Variants in CACNA2D2 observed in about 807,000 individuals in gnomAD.
CACNA2D2 encodes the protein voltage-dependent calcium channel subunit alpha-2/delta-2.
CACNA2D2 carries 48 observed loss-of-function variants against 166.4 expected under a neutral mutation model. That is an observed-to-expected ratio of 0.29 (90% CI 0.23 to 0.37). The LOEUF is 0.37. Ranked by LOEUF, CACNA2D2 falls within the 10% of genes least tolerant of loss-of-function variation. CACNA2D2 has a pLI of 1.00. For missense variants in CACNA2D2, 1,122 were observed against 1,433.0 expected, an observed-to-expected ratio of 0.78 and a Z score of 3.50; for synonymous variants, 561 against 573.7, an observed-to-expected ratio of 0.98 and a Z score of 0.32.
intron 1 of CACNA2D2, among the ~76,000 whole-genome samples, chr3:50,499,982 C>T (rs1346510537): frequency 1.3e-5 from 2 of 152,182 alleles, no homozygotes; most frequent in Non-Finnish European, 2.9e-5. Context: ...TCATCCCTCC[C>T]TCCTGCAAAA....
intron 1 of CACNA2D2, among the ~76,000 whole-genome samples, chr3:50,480,428 C>T (rs1276225889): frequency 6.6e-6 from 1 of 151,420 alleles, no homozygotes; most frequent in Non-Finnish European, 1.5e-5. Flanking sequence ...GACCTAAGGA[C>T]TTATTGAGGG....
intron 1 of CACNA2D2, among the ~76,000 whole-genome samples, chr3:50,490,449 C>A (rs546719420): frequency 6.6e-6 from 1 of 152,266 alleles, no homozygotes; most frequent in African/African-American, 2.4e-5. Context: ...TGCCTCCCAC[C>A]CCATTAAATA....
chr3:50,492,282 C>A (rs983905527), intron 1 of CACNA2D2, among the ~76,000 whole-genome samples: 6 of 152,268 alleles, frequency 3.9e-5, no homozygotes, highest in Admixed American at 2.6e-4. Context: ...CCCACTCATG[C>A]CAGCACTATC....
At chr3:50,400,932 C>T (rs1706418043) in intron 3 of CACNA2D2, among the ~76,000 whole-genome samples, 1 of 152,218 alleles carries the variant, frequency 6.6e-6, no homozygotes, top group Non-Finnish European at 1.5e-5. Flanking sequence ...GCCTCGGCCT[C>T]CCAAAGTGCT....
At chr3:50,492,176 T>C (rs916608701) in intron 1 of CACNA2D2, among the ~76,000 whole-genome samples, 4 of 152,250 alleles carry the variant, frequency 2.6e-5, no homozygotes, top group Non-Finnish European at 5.9e-5. Context: ...CCCACGGCCA[T>C]GTCTATGCGT....
chr3:50,367,156 T>G lies in CACNA2D2; in HGVS notation c.2402-47A>C. The G allele has an allele frequency of 1.4e-6, 2 of 1,426,222 alleles. No homozygotes were observed. Among genetic ancestry groups the G allele is most frequent in the Non-Finnish European group, 2.0e-6 (2 of 1,016,946 alleles). The allele number at this position is 1,426,222 out of a possible 1,614,324, so 88.3% of individuals were successfully genotyped here. ...CAGGAGTGGGGTCTGGCGGCCACAC[T>G]GACCACTCTATGCTGGGTCCTACAA... On this transcript the variant is annotated intron_variant, in intron 27 of 37. Transcript: ENST00000424201. This position sits in a 1 kb window ranked among gnomAD's most constrained non-coding sequence, Gnocchi z 6.5.
intron 3 of CACNA2D2, among the ~76,000 whole-genome samples, chr3:50,414,867 T>C (rs1240935857): frequency 6.6e-6 from 1 of 152,350 alleles, no homozygotes; most frequent in Non-Finnish European, 1.5e-5. Context: ...GCCCACAAGC[T>C]GTTCCTGGGC....
At chr3:50,431,809 A>C (rs1708075458) in intron 3 of CACNA2D2, among the ~76,000 whole-genome samples, 1 of 151,996 alleles carries the variant, frequency 6.6e-6, no homozygotes, top group Admixed American at 6.5e-5. Context: ...ACATAGTGAA[A>C]TGCTGTCTCT....
At chr3:50,389,838 C>G (rs1184597058) in intron 4 of CACNA2D2, among the ~76,000 whole-genome samples, 2 of 152,218 alleles carry the variant, frequency 1.3e-5, no homozygotes. Flanking sequence ...TGGGAATGAC[C>G]GCTCCCGGCC....
At chr3:50,443,128 T>C (rs1708679862) in intron 2 of CACNA2D2, among the ~76,000 whole-genome samples, 1 of 152,200 alleles carries the variant, frequency 6.6e-6, no homozygotes, top group Non-Finnish European at 1.5e-5. Context: ...GCATACCAGC[T>C]GGCACGGGGG....
At chr3:50,422,249 A>C (rs952528467) in intron 3 of CACNA2D2, among the ~76,000 whole-genome samples, 5 of 152,062 alleles carry the variant, frequency 3.3e-5, no homozygotes, top group Admixed American at 3.3e-4. Context: ...CTGGAGTCTA[A>C]CTGCCCACCC....
chr3:50,454,273 C>T (rs41304862), intron 2 of CACNA2D2, among the ~76,000 whole-genome samples: 1 of 152,150 alleles, frequency 6.6e-6, no homozygotes. Flanking sequence ...GGGAAGGGAC[C>T]GAGCCGGACT....
chr3:50,468,950 T>C (rs929989984), intron 2 of CACNA2D2, among the ~76,000 whole-genome samples: 1 of 151,378 alleles, frequency 6.6e-6, no homozygotes, highest in Non-Finnish European at 1.5e-5. Flanking sequence ...TGCCTCAGCA[T>C]CCCAAGTAGC....
chr3:50,387,562 G>A lies in CACNA2D2; in HGVS notation c.510+6C>T, dbSNP rs2106702071. 6.2e-7 allele frequency: 1 copy of A among 1,613,018 alleles called. No homozygotes were observed. ...AAGGAGGTGTGGCTCAGGAGGGGGT[G>A]CTCACCAGCTCAGCGTCAGCCTTGG... is the stretch of plus-strand genomic sequence containing the variant. On this transcript the variant is annotated splice_donor_region_variant and intron_variant, in intron 5 of 37. Coordinates refer to ENST00000424201, the MANE Select transcript of CACNA2D2 (RefSeq NM_006030.4).
intron 1 of CACNA2D2, among the ~76,000 whole-genome samples, chr3:50,481,037 T>C (rs1221171587): frequency 7.5e-6 from 1 of 132,702 alleles, no homozygotes; most frequent in Non-Finnish European, 1.6e-5. Context: ...GTGGAGTTGT[T>C]GATCAGAATG....
At chr3:50,389,610 G>A (rs1406577321) in intron 4 of CACNA2D2, among the ~76,000 whole-genome samples, 1 of 152,332 alleles carries the variant, frequency 6.6e-6, no homozygotes, top group East Asian at 1.9e-4. Context: ...GTCAACACTA[G>A]GCACCTCAGC....
In CACNA2D2 at chr3:50,365,325, T is replaced by G; in HGVS notation, c.3098+31A>C. The G allele has an allele frequency of 6.6e-7, 1 of 1,516,530 alleles. No homozygotes were observed. Among genetic ancestry groups the G allele is most frequent in the South Asian group, 1.1e-5 (1 of 89,248 alleles). The allele number at this position is 1,516,530 out of a possible 1,614,324, so 93.9% of individuals were successfully genotyped here. On this transcript the variant is annotated intron_variant, in intron 35 of 37. Coordinates refer to ENST00000424201, the MANE Select transcript of CACNA2D2 (RefSeq NM_006030.4). This position sits in a 1 kb window ranked among gnomAD's most constrained non-coding sequence, Gnocchi z 4.5. ...CTCGCCCCGCTCACAGGTTCCGCCC[T>G]TGGCCTCTGGTCCCGCCCCACTGCC...
rs547367154 is a variant in CACNA2D2, at chr3:50,394,219, T to C, written c.406-51A>G. Reference sequence around the variant, plus strand: ...AGAAGCGGAGGAAGGCAGCCTGCCCTATGCCCACCCCAAAGCCTCTCCATC... The same window carrying C: ...AGAAGCGGAGGAAGGCAGCCTGCCCCATGCCCACCCCAAAGCCTCTCCATC... On this transcript the variant is annotated intron_variant, in intron 3 of 37. Coordinates refer to ENST00000424201, the MANE Select transcript of CACNA2D2 (RefSeq NM_006030.4). 11 of 1,488,730 alleles carry C rather than the reference T, an allele frequency of 7.4e-6. No individual in the cohort carries two copies. The East Asian group carries it at 1.1e-4, about 15-fold the overall frequency. 92.2% of individuals were successfully genotyped at this position (1,488,730 alleles called of 1,614,324 possible). A position where few individuals can be genotyped will look rare whatever the true frequency, so the allele number is the denominator to read the frequency against.
chr3:50,373,313 C>T (rs996584124), intron 22 of CACNA2D2, among the ~76,000 whole-genome samples: 4 of 150,786 alleles, frequency 2.7e-5, no homozygotes, highest in Admixed American at 6.6e-5. Flanking sequence ...AGCCCCCAGT[C>T]GGCCAGGCAG....
Sources: allele counts gnomAD v4.1 joint callset (sites outside exome capture counted in the v4.1 genomes callset), GRCh38; gene constraint gnomAD v4.1.1; non-coding constraint Gnocchi (gnomAD v3.1); transcripts MANE v1.5; gene names NCBI Gene and HGNC (gene_info 2026-07-23, HGNC 2026-07-21).